CFAP44: variants seen among roughly 807,000 people sequenced by gnomAD.
CFAP44 encodes the protein cilia- and flagella-associated protein 44.
A neutral mutation model predicts 216.2 loss-of-function variants in CFAP44; 134 were observed. That is an observed-to-expected ratio of 0.62 (90% CI 0.54 to 0.72). The LOEUF is 0.72. CFAP44 is among the 30% of genes least tolerant of loss of function. The pLI, the probability that CFAP44 is intolerant of heterozygous loss-of-function variation, is 0.00. For synonymous variants in CFAP44, 700 were observed against 727.6 expected (o/e 0.96, Z 0.61); for missense variants, 2,035 against 2,182.1 (o/e 0.93, Z 1.34).
At chr3:113,405,671 T>A (rs1472644643) in intron 8 of CFAP44, among the ~76,000 whole-genome samples, 3 of 152,220 alleles carry the variant, frequency 2.0e-5, no homozygotes, top group African/African-American at 7.2e-5. Context: ...GATATTTATT[T>A]CTAATGCTAA....
chr3:113,351,757 C>T (rs546192827), intron 22 of CFAP44, among the ~76,000 whole-genome samples: 7 of 152,316 alleles, frequency 4.6e-5, no homozygotes, highest in African/African-American at 1.2e-4. Context: ...TTTCTGGTCC[C>T]GTGACAGCCA....
At chr3:113,387,487 G>A (rs1293668898) in intron 15 of CFAP44, among the ~76,000 whole-genome samples, 1 of 152,108 alleles carries the variant, frequency 6.6e-6, no homozygotes, top group East Asian at 1.9e-4. Context: ...ATCCTGGCAG[G>A]ATTCATCACC....
At chr3:113,315,289 G>C (rs1202795984) in intron 28 of CFAP44, among the ~76,000 whole-genome samples, 1 of 152,072 alleles carries the variant, frequency 6.6e-6, no homozygotes. Context: ...CTATATTAAT[G>C]TCAGACAAAT....
At position 113,355,050 on chromosome 3, in the gene CFAP44, T is replaced by C. The variant is rs370835898; in HGVS notation, c.3065+3695A>G. Among the ~76,000 whole-genome samples, 41 of 152,278 alleles carry C rather than the reference T, an allele frequency of 2.7e-4. No individual in the cohort carries two copies. In the East Asian group the frequency reaches 6.0e-3, roughly 22 times the overall value. On this transcript the variant is annotated intron_variant, in intron 22 of 34. Coordinates refer to ENST00000393845, the MANE Select transcript of CFAP44 (RefSeq NM_001164496.2). The stretch of plus-strand genomic sequence containing the variant: ...TCCCCAGTACCAACCTGGAGCCCGG[T>C]AGCTCTGCTGGGACCCAGGGGAAAG...
At chr3:113,372,679 G>A (rs546720816) in intron 18 of CFAP44, among the ~76,000 whole-genome samples, 20 of 152,248 alleles carry the variant, frequency 1.3e-4, no homozygotes, top group African/African-American at 3.1e-4. Context: ...GTATACCTAC[G>A]TAACAAATGT....
rs1934205302 is a variant in CFAP44, at chr3:113,403,851, C to T, written c.1170+1G>A. ...ACCATCCAAGTATCGAGAAAACTTA[C>T]CCTAACATATCCATCTGACCCAACA... On this transcript the variant is annotated splice_donor_variant, in intron 9 of 34. Coordinates refer to ENST00000393845, the MANE Select transcript of CFAP44 (RefSeq NM_001164496.2). LOFTEE classifies it high-confidence loss of function. The T allele has an allele frequency of 6.2e-7, 1 of 1,611,628 alleles. No individual in the cohort carries two copies.
chr3:113,340,500 A>C (rs1324889575), intron 24 of CFAP44, among the ~76,000 whole-genome samples: 1 of 152,162 alleles, frequency 6.6e-6, no homozygotes, highest in Non-Finnish European at 1.5e-5. Context: ...ATTCACTCAC[A>C]CTCACCTTCC....
chr3:113,371,266 T>C (rs1933152505), intron 18 of CFAP44, among the ~76,000 whole-genome samples: 1 of 152,218 alleles, frequency 6.6e-6, no homozygotes, highest in Non-Finnish European at 1.5e-5. Context: ...AGAGCCTGCA[T>C]AGCCAAGACA....
At chr3:113,333,350 TTTAA>T in intron 25 of CFAP44, 52 bp downstream of exon 25, 1 of 1,468,586 alleles carries the variant, frequency 6.8e-7, no homozygotes, top group Non-Finnish European at 9.1e-7. Context: ...TTTAGCAGAA[TTTAA>T]TTAAGAACCC....
chr3:113,338,490 T>C (rs1950301759), intron 24 of CFAP44, among the ~76,000 whole-genome samples: 1 of 151,870 alleles, frequency 6.6e-6, no homozygotes, highest in Non-Finnish European at 1.5e-5. Context: ...TAAAAATATA[T>C]AGATGGCAAA....
chr3:113,362,837 T>C, intron 21 of CFAP44: 1 of 1,101,456 alleles, frequency 9.1e-7, no homozygotes, highest in Middle Eastern at 3.7e-4. Context: ...GTTATTCATG[T>C]CTCTATAAAA....
At chr3:113,373,343 C>T in intron 18 of CFAP44, 68 bp downstream of exon 18, 1 of 1,327,526 alleles carries the variant, frequency 7.5e-7, no homozygotes, top group South Asian at 2.7e-5. Context: ...TGACAATATC[C>T]ATGATGAACA....
Position 113,291,610 on chromosome 3 carries a change from G to A in CFAP44, c.5512C>T (p.Leu1838Phe), listed in dbSNP as rs1949829845. The A allele has an allele frequency of 1.3e-6, 2 of 1,537,102 alleles. No individual in the cohort carries two copies. The highest frequency in any genetic ancestry group is 2.0e-5 in the Admixed American group (1 of 50,966). ...ALLRRKGSLI[L>F]PPIQSPREKE... ...TCTCGTGGAGACTGAATGGGTGGGA[G>A]GATAAGACTGCCTTTCCTACGCAAA... Residue 1838 changes from leucine (L) to phenylalanine (F), a missense_variant, in exon 35 of 35, where the codon CTC becomes TTC. Leu to Phe is a conservative substitution (Grantham distance 22). This residue lies in a region of CFAP44 where 1,883 missense variants were observed against 2,023.7 expected (regional missense o/e 0.93). Transcript: ENST00000393845.
intron 17 of CFAP44, among the ~76,000 whole-genome samples, chr3:113,377,227 G>C (rs1933370731): frequency 6.6e-6 from 1 of 152,210 alleles, no homozygotes; most frequent in Non-Finnish European, 1.5e-5. Context: ...GAATTGGCCT[G>C]CAGTGTGAGT....
intron 29 of CFAP44, 116 bp from the exon 30 acceptor site, chr3:113,306,447 C>G (rs1352122203): frequency 6.2e-6 from 8 of 1,300,100 alleles, no homozygotes; most frequent in Non-Finnish European, 7.3e-6. Context: ...TCCACTCTAG[C>G]CAGCTTTTAA....
intron 4 of CFAP44, among the ~76,000 whole-genome samples, chr3:113,424,778 T>C (rs28536176): frequency 0.17 from 26,349 of 152,168 alleles, 2,394 homozygotes; most frequent in African/African-American, 0.22. Flanking sequence ...CCAGCACGAA[T>C]AGAGATAATT....
At position 113,302,717 on chromosome 3, in the gene CFAP44, C is replaced by T. The variant is rs1241170902; in HGVS notation, c.5077+1199G>A. 2.8e-5 allele frequency among the ~76,000 whole-genome samples: 4 copies of T among 144,332 alleles called. No homozygotes were observed. In the East Asian group the frequency reaches 6.2e-4, roughly 22 times the overall value. 94.7% of individuals were successfully genotyped at this position (144,332 alleles called of 152,430 possible). ...CAGAGGTTGCAGTGAGCCAAGATCACGCCACCACGATAGAGGTGAGACTCC... is the reference window on the plus strand; with the variant it reads ...CAGAGGTTGCAGTGAGCCAAGATCATGCCACCACGATAGAGGTGAGACTCC... On this transcript the variant is annotated intron_variant, in intron 32 of 34. Coordinates refer to ENST00000393845, the MANE Select transcript of CFAP44 (RefSeq NM_001164496.2).
intron 29 of CFAP44, among the ~76,000 whole-genome samples, chr3:113,306,589 C>T (rs1949987772): frequency 6.6e-6 from 1 of 152,180 alleles, no homozygotes; most frequent in South Asian, 2.1e-4. Flanking sequence ...TATGTTATCT[C>T]ACTCAAGGCT....
At chr3:113,308,905 C>G (rs546878367) in intron 28 of CFAP44, among the ~76,000 whole-genome samples, 1 of 152,196 alleles carries the variant, frequency 6.6e-6, no homozygotes, top group East Asian at 1.9e-4. Context: ...TGTGCCTGGC[C>G]CTGAAAAGAT....
Sources: gnomAD v4.1 joint callset for allele counts (sites outside exome capture counted in the v4.1 genomes callset) on GRCh38, gnomAD v4.1.1 for gene constraint, gnomAD v4.1.1 regional missense constraint, MANE v1.5 for transcripts, NCBI Gene and HGNC (gene_info 2026-07-23, HGNC 2026-07-21) for gene names.